Variants in FGD5 observed in about 807,000 individuals in gnomAD.
The protein encoded by FGD5 is FYVE, RhoGEF and PH domain containing 5, also known as FYVE, RhoGEF and PH domain-containing protein 5.
Under a neutral mutation model 133.4 loss-of-function variants are expected in FGD5, and 28 were observed. The observed-to-expected ratio is 0.21, with a 90% CI of 0.16 to 0.29. The LOEUF (loss-of-function observed/expected upper bound fraction) is 0.29, where lower values mean the gene tolerates loss of function less well. Ranked by LOEUF, FGD5 falls within the 10% of genes least tolerant of loss-of-function variation. The pLI, the probability that FGD5 is intolerant of heterozygous loss-of-function variation, is 1.00. For synonymous variants in FGD5, 810 were observed against 776.5 expected (o/e 1.04, Z -0.72); for missense variants, 1,858 against 1,895.2 (o/e 0.98, Z 0.36).
In FGD5 at chr3:14,819,394, C is replaced by T. The variant is rs2036435253; in HGVS notation, c.323C>T (p.Ala108Val). ...EEEEREEGGE[A>V]CGLEGTGAGE... ...GAGGAGCGTGAAGAGGGAGGCGAGG[C>T]ATGTGGCCTGGAGGGTACAGGAGCT... is the stretch of plus-strand genomic sequence containing the variant. The change falls in exon 1 of 20, where the codon GCA becomes GTA. Residue 108 changes from alanine (A) to valine (V), a missense_variant. Ala to Val is a moderately conservative substitution (Grantham distance 64). Around this residue, in one of 3 missense-constraint regions of FGD5, gnomAD observed 1,824 missense variants for 1,848.9 expected, o/e 0.99. Transcript: ENST00000285046. This position sits in a 1 kb window ranked among gnomAD's most constrained non-coding sequence, Gnocchi z 4.1. The T allele has an allele frequency of 1.9e-6, 3 of 1,549,252 alleles. No individual in the cohort carries two copies. Among genetic ancestry groups the T allele is most frequent in the African/African-American group, 1.4e-5 (1 of 72,448 alleles).
chr3:14,817,447 T>C (rs1559465063), upstream of FGD5, among the ~76,000 whole-genome samples: 1 of 152,126 alleles, frequency 6.6e-6, no homozygotes, highest in Admixed American at 6.5e-5. Flanking sequence ...CTGCCCACCT[T>C]AGCTTCTGAA....
At chr3:14,877,163 A>C (rs1260623678) in intron 2 of FGD5, among the ~76,000 whole-genome samples, 1 of 152,252 alleles carries the variant, frequency 6.6e-6, no homozygotes, top group Non-Finnish European at 1.5e-5. Flanking sequence ...CTCGGAGTTC[A>C]TTTCCTGGTT....
chr3:14,893,752 C>CTTTTTT (rs138741627), intron 4 of FGD5, among the ~76,000 whole-genome samples: 50 of 95,052 alleles, frequency 5.3e-4, no homozygotes, highest in African/African-American at 8.3e-4. Context: ...TTTCTTTTTT[C>CTTTTTT]TTTTTTTTTT....
chr3:14,856,955 T>C (rs879899076), intron 1 of FGD5, among the ~76,000 whole-genome samples: 12 of 152,232 alleles, frequency 7.9e-5, no homozygotes, highest in Non-Finnish European at 5.9e-5. Flanking sequence ...ACCTTTGTTT[T>C]GCTCCAGTTC....
intron 2 of FGD5, among the ~76,000 whole-genome samples, chr3:14,874,094 T>C (rs890273525): frequency 2.0e-5 from 3 of 152,158 alleles, no homozygotes; most frequent in Non-Finnish European, 4.4e-5. Flanking sequence ...CAATGGAATA[T>C]TATTCAGCCA....
intron 10 of FGD5, among the ~76,000 whole-genome samples, chr3:14,910,305 G>A (rs905176360): frequency 2.6e-5 from 4 of 152,126 alleles, no homozygotes; most frequent in Admixed American, 6.5e-5. Flanking sequence ...CTTGGCACCC[G>A]CACGCATCTC....
intron 4 of FGD5, among the ~76,000 whole-genome samples, chr3:14,893,340 T>C (rs1383234208): frequency 6.6e-6 from 1 of 152,092 alleles, no homozygotes; most frequent in East Asian, 1.9e-4. Flanking sequence ...GGTTATTTTA[T>C]TTATTTATTT....
chr3:14,825,495 G>A (rs3856824), intron 1 of FGD5, among the ~76,000 whole-genome samples: 89,052 of 151,590 alleles, frequency 0.59, 28,527 homozygotes, highest in African/African-American at 0.86. Context: ...ACGCACACGT[G>A]TATAAATAGC....
intron 7 of FGD5, among the ~76,000 whole-genome samples, chr3:14,899,563 T>C (rs1320099732): frequency 5.3e-5 from 8 of 152,200 alleles, no homozygotes; most frequent in Admixed American, 5.2e-4. Flanking sequence ...CAAAAATACA[T>C]TAGGGCCAAG....
intron 11 of FGD5, among the ~76,000 whole-genome samples, chr3:14,913,462 G>A (rs1271770736): frequency 1.3e-5 from 2 of 152,148 alleles, no homozygotes; most frequent in Non-Finnish European, 2.9e-5. Context: ...ATGGCAATGG[G>A]GAGGCAGACA....
chr3:14,810,767 C>G, upstream of FGD5: 1 of 975,784 alleles, frequency 1.0e-6, no homozygotes, highest in Non-Finnish European at 1.2e-6. Flanking sequence ...GCGGGGCGGC[C>G]GCGGAGGGAG....
intron 1 of FGD5, among the ~76,000 whole-genome samples, chr3:14,856,762 T>G (rs763981682): frequency 2.6e-5 from 4 of 152,198 alleles, no homozygotes; most frequent in African/African-American, 9.6e-5. Context: ...ACTGAGTTTA[T>G]CAGCTCTAAG....
intron 1 of FGD5, chr3:14,811,463 C>G (rs1215573284): frequency 1.3e-5 from 2 of 152,234 alleles, no homozygotes; most frequent in African/African-American, 4.8e-5. Context: ...TATAGCGCAC[C>G]CCTCCCTCGC....
In FGD5 at chr3:14,917,550, GATA is replaced by G. The variant is rs1455749581; in HGVS notation, c.3489+222_3489+224del. Among the ~76,000 whole-genome samples the G allele has an allele frequency of 6.6e-6, 1 of 152,026 alleles. No homozygotes were observed. The highest frequency in any genetic ancestry group is 1.5e-5 in the Non-Finnish European group (1 of 68,008). On this transcript the variant is annotated intron_variant, in intron 12 of 19. Transcript: ENST00000285046. The surrounding 1 kb of genome is among the most constrained non-coding windows in gnomAD (Gnocchi z 4.1). ...AAGAGGAGACTGAACCCTTAGAGTG[GATA>G]ATATTTGGTCGGATCAGGAAGGAAG...
intron 1 of FGD5, among the ~76,000 whole-genome samples, chr3:14,850,404 C>T (rs1017670685): frequency 2.0e-5 from 3 of 152,334 alleles, no homozygotes; most frequent in South Asian, 2.1e-4. Flanking sequence ...GAAGGAAGCT[C>T]GTTTGTCTCC....
chr3:14,872,620 G>A (rs573832159), intron 2 of FGD5, among the ~76,000 whole-genome samples: 8 of 152,354 alleles, frequency 5.3e-5, no homozygotes, highest in African/African-American at 1.4e-4. Flanking sequence ...ATAAGCAAGC[G>A]TGCATGTTGC....
At chr3:14,900,306 T>A (rs919640643) in intron 7 of FGD5, 97 bp from the exon 8 acceptor site, 272 of 1,260,300 alleles carry the variant, frequency 2.2e-4, no homozygotes, top group Non-Finnish European at 2.1e-4. Flanking sequence ...GGATGCTTCA[T>A]TCTTCCAACT....
Position 14,933,133 on chromosome 3 carries a change from G to A in FGD5, c.4355G>A (p.Trp1452Ter). The A allele has an allele frequency of 6.2e-7, 1 of 1,613,512 alleles. No individual in the cohort carries two copies. The highest frequency in any genetic ancestry group is 8.5e-7 in the Non-Finnish European group (1 of 1,179,730). ...KAEDTNSAQR[W>*]IEAMEDASVL is the part of the protein sequence containing the mutation. ...GTCCTCCCTGTTTTGTTTTATAGGT[G>A]GATCGAGGCCATGGAAGATGCGAGT... The change falls in exon 20 of 20, where the codon TGG (tryptophan) becomes TAG (stop). Residue 1452 changes from tryptophan (W) to a stop codon, truncating the protein, a stop_gained and splice_region_variant. Transcript: ENST00000285046. LOFTEE classifies it high-confidence loss of function.
chr3:14,841,421 TA>T (rs2036920196), intron 1 of FGD5, among the ~76,000 whole-genome samples: 1 of 152,192 alleles, frequency 6.6e-6, no homozygotes, highest in African/African-American at 2.4e-5. Context: ...GCCGCTGGGT[TA>T]AATGCTGCCC....
Sources: gnomAD v4.1 joint callset for allele counts (sites outside exome capture counted in the v4.1 genomes callset) on GRCh38, gnomAD v4.1.1 for gene constraint, gnomAD v4.1.1 regional missense constraint, Gnocchi (gnomAD v3.1) non-coding constraint, MANE v1.5 for transcripts, NCBI Gene and HGNC (gene_info 2026-07-23, HGNC 2026-07-21) for gene names.